Variants in NKAPD1 observed in about 807,000 individuals in gnomAD.
NKAPD1 encodes the protein NKAP domain containing 1, also known as uncharacterized protein NKAPD1.
In NKAPD1, 12 loss-of-function variants were observed where a neutral mutation model predicts 30.9. That is an observed-to-expected ratio of 0.39 (90% CI 0.25 to 0.63). The LOEUF is 0.63. Ranked by LOEUF, NKAPD1 falls within the 20% of genes least tolerant of loss-of-function variation. The pLI is 0.51. For synonymous variants in NKAPD1, 91 were observed against 113.6 expected, an observed-to-expected ratio of 0.80 and a Z score of 1.26; for missense variants, 311 against 344.5, an observed-to-expected ratio of 0.90 and a Z score of 0.77.
intron 2 of NKAPD1, among the ~76,000 whole-genome samples, chr11:112,077,246 CT>C (rs1320181306): frequency 6.6e-6 from 1 of 152,144 alleles, no homozygotes; most frequent in Non-Finnish European, 1.5e-5. Context: ...ATATAGTAAG[CT>C]TAGATTTAAA....
chr11:112,078,605 A>G (rs546202012), intron 3 of NKAPD1, among the ~76,000 whole-genome samples: 2 of 152,350 alleles, frequency 1.3e-5, no homozygotes, highest in South Asian at 4.1e-4. Flanking sequence ...TGAAGATTTT[A>G]TACTGGAATC....
In NKAPD1 at chr11:112,083,649, T is replaced by C. The variant is rs1865513210; in HGVS notation, c.*677T>C. 1 of 152,624 alleles carries C rather than the reference T, an allele frequency of 6.6e-6. No individual in the cohort carries two copies. Among genetic ancestry groups the C allele is most frequent in the African/African-American group, 2.4e-5 (1 of 41,468 alleles). The allele number at this position is 152,624 out of a possible 1,614,324, so 9.5% of individuals were successfully genotyped here. The stretch of plus-strand genomic sequence containing the variant: ...AACATGGTAATTGGATAGTAAATGG[T>C]TTTCTAGTTCCATTGCTGTATATTT... On this transcript the variant is annotated 3_prime_UTR_variant, in exon 6 of 6. Transcript: ENST00000393047.
chr11:112,075,511 A>C (rs2063127479), intron 1 of NKAPD1, 56 bp from the exon 2 acceptor site: 32 of 1,352,720 alleles, frequency 2.4e-5, no homozygotes, highest in Non-Finnish European at 3.2e-5. Context: ...AACTTCAAGA[A>C]AAGATAAAGT....
At chr11:112,082,096 A>G (rs556790994) in intron 5 of NKAPD1, 61 bp downstream of exon 5, 3 of 1,389,348 alleles carry the variant, frequency 2.2e-6, no homozygotes, top group Non-Finnish European at 3.0e-6. Context: ...TTATAAATTG[A>G]TTTCTTAACT....
In NKAPD1 at chr11:112,078,231, A is replaced by C. The variant is rs148686086; in HGVS notation, c.86A>C (p.Asp29Ala). The part of the protein sequence containing the change: ...DAHNKIQEES[D>A]MWKIRELEKQ... The stretch of plus-strand genomic sequence containing the variant: ...AAATTCTAGATTCAGGAGGAATCAG[A>C]TATGTGGAAAATAAGAGAACTGGAA... Residue 29 changes from aspartate to alanine, a missense_variant, in exon 3 of 6, where the codon GAT (aspartate) becomes GCT (alanine). Coordinates refer to ENST00000393047, the MANE Select transcript of NKAPD1 (RefSeq NM_018195.4). 1 of 1,610,238 alleles carries C rather than the reference A, an allele frequency of 6.2e-7. No homozygotes were observed. Among genetic ancestry groups the C allele is most frequent in the Non-Finnish European group, 8.5e-7 (1 of 1,177,932 alleles).
intron 3 of NKAPD1, 26 bp from the exon 4 acceptor site, chr11:112,080,382 TA>T (rs769300528): frequency 1.2e-6 from 2 of 1,609,916 alleles, no homozygotes; most frequent in African/African-American, 1.3e-5. Context: ...CTTTTACATC[TA>T]AAAGTTCTTC....
intron 2 of NKAPD1, among the ~76,000 whole-genome samples, chr11:112,077,068 T>A (rs776048007): frequency 5.3e-5 from 8 of 152,206 alleles, no homozygotes; most frequent in African/African-American, 1.9e-4. Context: ...GGAGAGCACA[T>A]ATAATGAAAA....
rs540233800 is a variant in NKAPD1, at chr11:112,074,573, T to A, written c.-352T>A. 1.5e-5 allele frequency: 6 copies of A among 398,744 alleles called. No homozygotes were observed. In the East Asian group the frequency reaches 2.1e-4, roughly 14 times the overall value. 24.7% of individuals were successfully genotyped at this position (398,744 alleles called of 1,614,324 possible). On this transcript the variant is annotated 5_prime_UTR_variant, in exon 1 of 6. Coordinates refer to ENST00000393047, the MANE Select transcript of NKAPD1 (RefSeq NM_018195.4). ...AGCCATCCAAAGCGTTCCCAGCCTTTCTGGGGAGTGAAACTTACCCCCGGG... is the reference window on the plus strand; with the variant it reads ...AGCCATCCAAAGCGTTCCCAGCCTTACTGGGGAGTGAAACTTACCCCCGGG...
chr11:112,074,584 A>C lies in NKAPD1; in HGVS notation c.-341A>C. On this transcript the variant is annotated 5_prime_UTR_variant, in exon 1 of 6. Coordinates refer to ENST00000393047, the MANE Select transcript of NKAPD1 (RefSeq NM_018195.4). ...GCGTTCCCAGCCTTTCTGGGGAGTG[A>C]AACTTACCCCCGGGGTTCGTCCTAG... The C allele has an allele frequency of 2.5e-6, 1 of 398,598 alleles. No homozygotes were observed. The highest frequency in any genetic ancestry group is 4.4e-6 in the Non-Finnish European group (1 of 225,960). The allele number at this position is 398,598 out of a possible 1,614,324, so 24.7% of individuals were successfully genotyped here.
chr11:112,074,685 C>G lies in NKAPD1; in HGVS notation c.-240C>G, dbSNP rs1484857004. On this transcript the variant is annotated 5_prime_UTR_variant, in exon 1 of 6. Coordinates refer to ENST00000393047, the MANE Select transcript of NKAPD1 (RefSeq NM_018195.4). ...CCCGGCTCAGCCTCCGGCCTCAGTC[C>G]GGGAGAGAGATCTGCCTGTCGGTCT... is the stretch of plus-strand genomic sequence containing the variant. 1 of 393,266 alleles carries G rather than the reference C, an allele frequency of 2.5e-6. No homozygotes were observed. The highest frequency in any genetic ancestry group is 4.5e-6 in the Non-Finnish European group (1 of 223,012). The allele number at this position is 393,266 out of a possible 1,614,324, so 24.4% of individuals were successfully genotyped here.
chr11:112,082,347 A>T, intron 5 of NKAPD1, 118 bp from the exon 6 acceptor site: 1 of 883,232 alleles, frequency 1.1e-6, no homozygotes, highest in Non-Finnish European at 1.6e-6. Flanking sequence ...AGTATACATT[A>T]AAGTGCTTAT....
chr11:112,077,063 G>A (rs1321493307), intron 2 of NKAPD1, among the ~76,000 whole-genome samples: 1 of 152,170 alleles, frequency 6.6e-6, no homozygotes, highest in Non-Finnish European at 1.5e-5. Context: ...ACCTAGGAGA[G>A]CACATATAAT....
intron 5 of NKAPD1, 173 bp downstream of exon 5, chr11:112,082,208 G>C (rs1470146909): frequency 1.4e-6 from 1 of 709,618 alleles, no homozygotes; most frequent in African/African-American, 1.8e-5. Flanking sequence ...TTGATGTTTG[G>C]CATGTCTGTA....
intron 2 of NKAPD1, among the ~76,000 whole-genome samples, chr11:112,077,242 T>C (rs1402195806): frequency 1.3e-5 from 2 of 152,240 alleles, no homozygotes; most frequent in Admixed American, 1.3e-4. Context: ...AGTTATATAG[T>C]AAGCTTAGAT....
At position 112,080,454 on chromosome 11, in the gene NKAPD1, T is replaced by C. The variant is rs1189346953; in HGVS notation, c.216T>C (p.Tyr72=). 7 of 1,614,076 alleles carry C rather than the reference T, an allele frequency of 4.3e-6. No individual in the cohort carries two copies. Among genetic ancestry groups the C allele is most frequent in the Non-Finnish European group, 5.9e-6 (7 of 1,180,008 alleles). Residue 72 remains tyrosine, a synonymous_variant, in exon 4 of 6, where the codon TAT becomes TAC. Coordinates refer to ENST00000393047, the MANE Select transcript of NKAPD1 (RefSeq NM_018195.4). ...TTGATGAAGAAAGTCAAAGATACTA[T>C]TGGAGGCCAAAGAATGAAATTTCTG... is the stretch of plus-strand genomic sequence containing the variant. ...DGFDEESQRY[Y]WRPKNEISGT...
At chr11:112,075,541 A>C in intron 1 of NKAPD1, 26 bp from the exon 2 acceptor site, 1 of 1,521,254 alleles carries the variant, frequency 6.6e-7, no homozygotes, top group Non-Finnish European at 9.1e-7. Context: ...AATTATTACT[A>C]AACGTTATTT....
chr11:112,082,205 T>C (rs1382273886), intron 5 of NKAPD1, 170 bp downstream of exon 5: 3 of 711,264 alleles, frequency 4.2e-6, no homozygotes, highest in Non-Finnish European at 6.9e-6. Flanking sequence ...TGGTTGATGT[T>C]TGGCATGTCT....
intron 2 of NKAPD1, among the ~76,000 whole-genome samples, chr11:112,077,556 G>C (rs960439360): frequency 6.6e-6 from 1 of 152,134 alleles, no homozygotes; most frequent in East Asian, 1.9e-4. Flanking sequence ...TTCCTCATGA[G>C]ATTGCTTAAG....
chr11:112,076,532 A>G (rs1865334446), intron 2 of NKAPD1, among the ~76,000 whole-genome samples: 1 of 152,244 alleles, frequency 6.6e-6, no homozygotes. Context: ...TCAAAATGTA[A>G]GTGCCAATAG....
Sources: allele counts gnomAD v4.1 joint callset (sites outside exome capture counted in the v4.1 genomes callset), GRCh38; gene constraint gnomAD v4.1.1; transcripts MANE v1.5; gene names NCBI Gene and HGNC (gene_info 2026-07-23, HGNC 2026-07-21).